Variants in DOCK3 observed in about 807,000 individuals in gnomAD.
The protein encoded by DOCK3 is dedicator of cytokinesis protein 3.
A neutral mutation model predicts 265.6 loss-of-function variants in DOCK3; 60 were observed. The observed-to-expected ratio is 0.23, with a 90% confidence interval of 0.18 to 0.28. The LOEUF is 0.28. DOCK3 is among the 10% of genes least tolerant of loss of function. The probability of loss-of-function intolerance (pLI) is 1.00; values close to 1 mark genes in which losing one functional copy is unlikely to be tolerated. For synonymous variants in DOCK3, 881 were observed against 938.0 expected (o/e 0.94, Z 1.11); for missense variants, 1,981 against 2,594.3 (o/e 0.76, Z 5.14).
intron 5 of DOCK3, among the ~76,000 whole-genome samples, chr3:50,956,052 T>C (rs1279159783): frequency 6.6e-6 from 1 of 150,978 alleles, no homozygotes; most frequent in Non-Finnish European, 1.5e-5. Context: ...TCTTATTTTC[T>C]GTGTGCCACA....
chr3:51,148,569 A>C (rs1014488120), intron 10 of DOCK3, among the ~76,000 whole-genome samples: 9 of 152,230 alleles, frequency 5.9e-5, no homozygotes, highest in Non-Finnish European at 1.0e-4. Context: ...ATGGCTAGCC[A>C]GTTTTCCCAG....
Position 51,214,931 on chromosome 3 carries a change from A to G in DOCK3, c.1252+684A>G, listed in dbSNP as rs2089701981. On this transcript the variant is annotated intron_variant, in intron 14 of 52. Transcript: ENST00000266037. ...GGGTAGGGCTGGAAAAGTGGATCCA[A>G]ATGGGATATCAGAGCCAAGGGGGCT... Among the ~76,000 whole-genome samples the G allele has an allele frequency of 1.3e-5, 2 of 152,192 alleles. 1 individual carries two copies. The highest frequency in any genetic ancestry group is 4.1e-4 in the South Asian group (2 of 4,828).
intron 5 of DOCK3, among the ~76,000 whole-genome samples, chr3:51,016,530 A>T (rs1215715782): frequency 2.1e-5 from 1 of 47,710 alleles, no homozygotes. Context: ...TTTCTATATA[A>T]TATATGATAT....
At chr3:51,314,376 A>T (rs758647766) in intron 31 of DOCK3, among the ~76,000 whole-genome samples, 2 of 152,208 alleles carry the variant, frequency 1.3e-5, no homozygotes, top group Non-Finnish European at 2.9e-5. Flanking sequence ...CAGGGTGGGT[A>T]AAGAGAGAAT....
chr3:51,153,176 G>A lies in DOCK3; in HGVS notation c.829-6068G>A, dbSNP rs575275460. On this transcript the variant is annotated intron_variant, in intron 10 of 52. Coordinates refer to ENST00000266037, the MANE Select transcript of DOCK3 (RefSeq NM_004947.5). The stretch of plus-strand genomic sequence containing the variant: ...TCTGCCCGTTGGAGCTTCCCCAGCC[G>A]CTTTGTTTACCTACTCAAGCCTCAG... Among the ~76,000 whole-genome samples, 7 of 152,304 alleles carry A rather than the reference G, an allele frequency of 4.6e-5. No homozygotes were observed. The South Asian group carries it at 1.0e-3, about 23-fold the overall frequency.
chr3:50,719,325 C>T (rs1243811729), intron 1 of DOCK3, among the ~76,000 whole-genome samples: 1 of 148,884 alleles, frequency 6.7e-6, no homozygotes, highest in African/African-American at 2.5e-5. Flanking sequence ...TGCAATCCAA[C>T]TAGGCATGGA....
At chr3:50,927,042 C>T (rs146565149) in intron 4 of DOCK3, among the ~76,000 whole-genome samples, 73 of 152,354 alleles carry the variant, frequency 4.8e-4, no homozygotes, top group African/African-American at 1.7e-3. Context: ...TATGATGTGA[C>T]TTCCTGTCAC....
intron 9 of DOCK3, among the ~76,000 whole-genome samples, chr3:51,104,895 C>A (rs1035063424): frequency 1.3e-5 from 2 of 152,116 alleles, no homozygotes; most frequent in Non-Finnish European, 2.9e-5. Context: ...CTCAAGTAAT[C>A]CTCCAACCCC....
Position 51,214,000 on chromosome 3 carries a change from G to A in DOCK3, c.1127-122G>A, listed in dbSNP as rs1219675790. ...AATAACTTATACTGTCTGCATAAAA[G>A]TTTTTCTCAAGAATTTTGCTGAACT... On this transcript the variant is annotated intron_variant, in intron 13 of 52. Transcript: ENST00000266037. 5.9e-6 allele frequency: 8 copies of A among 1,364,080 alleles called. 1 individual carries two copies. Among genetic ancestry groups the A allele is most frequent in the Non-Finnish European group, 8.0e-6 (8 of 995,786 alleles). The allele number at this position is 1,364,080 out of a possible 1,614,324, so 84.5% of individuals were successfully genotyped here.
intron 6 of DOCK3, among the ~76,000 whole-genome samples, chr3:51,068,931 T>G (rs1205139941): frequency 6.6e-6 from 1 of 152,188 alleles, no homozygotes; most frequent in Non-Finnish European, 1.5e-5. Context: ...GAGTTTTAAT[T>G]TAGTCAGGAG....
At chr3:50,987,754 C>T (rs1364543198) in intron 5 of DOCK3, among the ~76,000 whole-genome samples, 1 of 152,186 alleles carries the variant, frequency 6.6e-6, no homozygotes, top group East Asian at 1.9e-4. Flanking sequence ...GGGAACCTCT[C>T]CGGTCCAGAG....
chr3:50,752,702 C>T (rs1387294133), intron 1 of DOCK3, among the ~76,000 whole-genome samples: 1 of 152,012 alleles, frequency 6.6e-6, no homozygotes, highest in Non-Finnish European at 1.5e-5. Context: ...CATTTGAACC[C>T]AGGAGGCAGA....
intron 2 of DOCK3, chr3:50,787,356 A>G (rs2042236928): frequency 2.5e-6 from 1 of 400,094 alleles, no homozygotes; most frequent in Non-Finnish European, 4.6e-6. Context: ...ATCAACATGT[A>G]GAAACCCCGT....
intron 1 of DOCK3, among the ~76,000 whole-genome samples, chr3:50,737,485 G>A (rs2038715715): frequency 6.6e-6 from 1 of 152,066 alleles, no homozygotes; most frequent in South Asian, 2.1e-4. Flanking sequence ...TCCAACATTG[G>A]GGATATAATT....
In DOCK3 at chr3:51,315,258, AG is replaced by A. The variant is rs201809757; in HGVS notation, c.3402+133del. 7.8e-4 allele frequency: 947 copies of A among 1,209,526 alleles called. 9 individuals are homozygous for A. The African/African-American group carries it at 0.013, about 17-fold the overall frequency. The allele number at this position is 1,209,526 out of a possible 1,614,324, so 74.9% of individuals were successfully genotyped here. A position where few individuals can be genotyped will look rare whatever the true frequency, so the allele number is the denominator to read the frequency against. On this transcript the variant is annotated intron_variant, in intron 32 of 52. Coordinates refer to ENST00000266037, the MANE Select transcript of DOCK3 (RefSeq NM_004947.5). ...GTTTGGCTAATTTGAATCCTGTTCA[AG>A]GGTTTTCCCTTACTTGCTGGCCAAA...
chr3:50,745,883 T>C (rs1287299425), intron 1 of DOCK3, among the ~76,000 whole-genome samples: 1 of 152,188 alleles, frequency 6.6e-6, no homozygotes, highest in African/African-American at 2.4e-5. Flanking sequence ...AGTTTCCTGT[T>C]TGTTTTCTTT....
intron 1 of DOCK3, among the ~76,000 whole-genome samples, chr3:50,705,767 C>T (rs968612158): frequency 6.6e-6 from 1 of 152,152 alleles, no homozygotes; most frequent in Non-Finnish European, 1.5e-5. Flanking sequence ...TGGTGGCTCA[C>T]ACCTGTAATC....
At chr3:50,699,187 T>C (rs754103538) in intron 1 of DOCK3, among the ~76,000 whole-genome samples, 8 of 152,230 alleles carry the variant, frequency 5.3e-5, no homozygotes, top group Admixed American at 6.5e-5. Context: ...TCCCATCAAA[T>C]GAAATCTTGG....
intron 12 of DOCK3, among the ~76,000 whole-genome samples, chr3:51,164,926 A>T (rs969564563): frequency 5.7e-5 from 8 of 141,220 alleles, no homozygotes; most frequent in African/African-American, 2.1e-4. Flanking sequence ...TCTTAAGAGT[A>T]CTTGTTTAGG....
Sources: gnomAD v4.1 joint callset for allele counts (sites outside exome capture counted in the v4.1 genomes callset) on GRCh38, gnomAD v4.1.1 for gene constraint, MANE v1.5 for transcripts, NCBI Gene and HGNC (gene_info 2026-07-23, HGNC 2026-07-21) for gene names.